Variants in TTLL8 observed in about 807,000 individuals in gnomAD.
TTLL8 encodes protein monoglycylase TTLL8.
A neutral mutation model predicts 77.8 loss-of-function variants in TTLL8; 65 were observed. That is an observed-to-expected ratio of 0.84 (90% CI 0.68 to 1.03). The LOEUF (loss-of-function observed/expected upper bound fraction) is 1.03. TTLL8 is among the 50% of genes least tolerant of loss of function. The pLI is 0.00. For missense variants in TTLL8, 910 were observed against 1,004.5 expected, an observed-to-expected ratio of 0.91 and a Z score of 1.27; for synonymous variants, 402 against 422.8, an observed-to-expected ratio of 0.95 and a Z score of 0.60.
In TTLL8 at chr22:50,044,680, GGCGGTGCAGGAGGC is replaced by G. The variant is rs1467214155; in HGVS notation, c.643+561_643+574del. ...GCGCACTGCTCTGGTGGGGGATGTT[GGCGGTGCAGGAGGC>G]GCGGGGGCAGGAGAGTGTGGTAAAT... On this transcript the variant is annotated intron_variant, in intron 6 of 13. Coordinates refer to ENST00000266182, the Ensembl canonical transcript of TTLL8. This position sits in a 1 kb window ranked among gnomAD's most constrained non-coding sequence, Gnocchi z 4.2. Among the ~76,000 whole-genome samples the G allele has an allele frequency of 6.6e-6, 1 of 152,188 alleles. No homozygotes were observed. The highest frequency in any genetic ancestry group is 1.5e-5 in the Non-Finnish European group (1 of 68,042).
chr22:50,049,469 C>A, intron 2 of TTLL8, 147 bp from the exon 5 acceptor site: 1 of 831,664 alleles, frequency 1.2e-6, no homozygotes, highest in Middle Eastern at 4.9e-4. Flanking sequence ...GGAGCAGGAG[C>A]CTCTGTGGGT....
intron 1 of TTLL8, among the ~76,000 whole-genome samples, chr22:50,053,016 G>A (rs896502526): frequency 6.6e-6 from 1 of 152,208 alleles, no homozygotes; most frequent in Admixed American, 6.5e-5. Context: ...GAGGTCAGGA[G>A]TTCAAGACCA....
chr22:50,032,050 C>T, exon 11 of TTLL8: 2 of 1,365,412 alleles, frequency 1.5e-6, no homozygotes, highest in Non-Finnish European at 9.8e-7. Context: ...CAGCAGGGGG[C>T]TGCGGCCCAC....
intron 12 of TTLL8, among the ~76,000 whole-genome samples, chr22:50,019,639 C>T (rs532711517): frequency 2.6e-5 from 4 of 152,316 alleles, no homozygotes; most frequent in African/African-American, 9.6e-5. Context: ...GGGTCCCCAG[C>T]TCCAGGCAAA....
rs562907750 is a variant in TTLL8, at chr22:50,045,189, G to A, written c.643+66C>T. 1.7e-4 allele frequency: 218 copies of A among 1,294,532 alleles called. No individual in the cohort carries two copies. The African/African-American group carries it at 2.4e-3, about 14-fold the overall frequency. The allele number at this position is 1,294,532 out of a possible 1,614,324, so 80.2% of individuals were successfully genotyped here. On this transcript the variant is annotated intron_variant, in intron 6 of 13. Coordinates refer to ENST00000266182, the Ensembl canonical transcript of TTLL8. ...TCAGGACTGACCACACCCAGGAGGC[G>A]GGAGGGCCCCTGTGGAGGCCCCGAG...
At chr22:50,025,884 C>T (rs1476765105) in intron 12 of TTLL8, among the ~76,000 whole-genome samples, 2 of 152,146 alleles carry the variant, frequency 1.3e-5, no homozygotes, top group Admixed American at 1.3e-4. Flanking sequence ...CTGACAATAC[C>T]CAGTGTTGAC....
chr22:50,035,716 C>T (rs2061331444), intron 8 of TTLL8, among the ~76,000 whole-genome samples: 2 of 152,188 alleles, frequency 1.3e-5, no homozygotes, highest in South Asian at 4.1e-4. Context: ...TAGGGTGGGT[C>T]ACCCATGACG....
intron 11 of TTLL8, among the ~76,000 whole-genome samples, chr22:50,031,371 G>A (rs1281899600): frequency 1.3e-5 from 2 of 152,220 alleles, no homozygotes; most frequent in Non-Finnish European, 2.9e-5. Flanking sequence ...TCTAACCACA[G>A]TCAGGACTGG....
intron 12 of TTLL8, among the ~76,000 whole-genome samples, chr22:50,023,817 G>A (rs1401319730): frequency 6.6e-6 from 1 of 152,058 alleles, no homozygotes; most frequent in African/African-American, 2.4e-5. Flanking sequence ...TCAGGAGTTC[G>A]AGACCAGCCT....
chr22:50,057,063 C>G, upstream of TTLL8: 1 of 937,068 alleles, frequency 1.1e-6, no homozygotes, highest in Non-Finnish European at 1.5e-6. Context: ...AGCTGAGGGT[C>G]AGGTCTGGGG....
chr22:50,036,671 C>T, intron 8 of TTLL8, among the ~76,000 whole-genome samples: 1 of 151,538 alleles, frequency 6.6e-6, no homozygotes, highest in Non-Finnish European at 1.5e-5. Context: ...ACGATCTTGG[C>T]TCACTGCAAC....
At chr22:50,045,877 T>C in exon 5 of TTLL8, 1 of 1,356,530 alleles carries the variant, frequency 7.4e-7, no homozygotes, top group Non-Finnish European at 9.8e-7. Context: ...TGCTGCTCAC[T>C]CTCGGTGCAG....
rs763238121 is a variant in TTLL8, at chr22:50,041,582, A to G, written c.830+39T>C. On this transcript the variant is annotated intron_variant, in intron 7 of 13. Coordinates refer to ENST00000266182, the Ensembl canonical transcript of TTLL8. The surrounding 1 kb of genome is among the most constrained non-coding windows in gnomAD (Gnocchi z 4.3). ...CCGGCAGCTCCTGCAATCTGCACTC[A>G]CAGCTCCGACATGTGCCAGGGGCCT... is the stretch of plus-strand genomic sequence containing the variant. 1.1e-4 allele frequency: 148 copies of G among 1,304,982 alleles called. 1 individual carries two copies. Among genetic ancestry groups the G allele is most frequent in the South Asian group, 5.1e-5 (4 of 78,784 alleles). 80.8% of individuals were successfully genotyped at this position (1,304,982 alleles called of 1,614,324 possible).
chr22:50,020,277 C>T (rs999791935), intron 12 of TTLL8, among the ~76,000 whole-genome samples: 1 of 149,444 alleles, frequency 6.7e-6, no homozygotes, highest in Non-Finnish European at 1.5e-5. Context: ...GACGTGCACT[C>T]CTCCATCTGA....
At chr22:50,049,410 A>G (rs907981926) in intron 2 of TTLL8, 88 bp from the exon 5 acceptor site, 37 of 1,320,090 alleles carry the variant, frequency 2.8e-5, no homozygotes, top group Non-Finnish European at 3.7e-5. Context: ...CAGGCAGGAC[A>G]GCGACTTTAC....
chr22:50,023,644 C>T (rs779102772), intron 12 of TTLL8, among the ~76,000 whole-genome samples: 11 of 151,932 alleles, frequency 7.2e-5, no homozygotes, highest in Admixed American at 2.6e-4. Context: ...AAGATCGCAC[C>T]GCTGCACTCC....
upstream of TTLL8, chr22:50,056,683 C>T (rs868046524): frequency 6.8e-6 from 6 of 888,774 alleles, no homozygotes; most frequent in Admixed American, 6.2e-5. The surrounding 1 kb of genome is among the most constrained non-coding windows in gnomAD (Gnocchi z 4.1). Flanking sequence ...CAGGAGCCAG[C>T]GCCCCCCAAC....
Position 50,028,689 on chromosome 22 carries a change from C to T in TTLL8, c.2203+1741G>A, listed in dbSNP as rs1342469998. On this transcript the variant is annotated intron_variant, in intron 12 of 13. Transcript: ENST00000266182. Reference sequence around the variant, plus strand: ...AGACCCCCACACACACTCGTAAAGACCCCATCACACCATCCTGAAGACCCC... The same window carrying T: ...AGACCCCCACACACACTCGTAAAGATCCCATCACACCATCCTGAAGACCCC... Among the ~76,000 whole-genome samples, 2 of 29,878 alleles carry T rather than the reference C, an allele frequency of 6.7e-5. 1 individual carries two copies. Among genetic ancestry groups the T allele is most frequent in the Non-Finnish European group, 1.4e-4 (2 of 14,528 alleles). 19.6% of individuals were successfully genotyped at this position (29,878 alleles called of 152,430 possible).
intron 1 of TTLL8, among the ~76,000 whole-genome samples, chr22:50,052,380 A>G (rs2061448874): frequency 1.3e-5 from 2 of 152,254 alleles, no homozygotes; most frequent in South Asian, 4.1e-4. Flanking sequence ...AGGAATAAAA[A>G]CAGCGTAAGA....
Sources: gnomAD v4.1 joint callset for allele counts (sites outside exome capture counted in the v4.1 genomes callset) on GRCh38, gnomAD v4.1.1 for gene constraint, Gnocchi (gnomAD v3.1) non-coding constraint, MANE v1.5 for transcripts, NCBI Gene and HGNC (gene_info 2026-07-23, HGNC 2026-07-21) for gene names.